The following R3HCC1L variants were observed in gnomAD, a reference collection of about 807,000 sequenced individuals.
R3HCC1L encodes coiled-coil domain-containing protein R3HCC1L.
In R3HCC1L, 51 loss-of-function variants were observed where a neutral mutation model predicts 59.9. That is an observed-to-expected ratio of 0.85 (90% CI 0.68 to 1.07). R3HCC1L has a LOEUF of 1.07. Ranked by LOEUF, R3HCC1L falls within the 50% of genes least tolerant of loss-of-function variation. The pLI is 0.00. For synonymous variants in R3HCC1L, 322 were observed against 315.2 expected, an observed-to-expected ratio of 1.02 and a Z score of -0.23; for missense variants, 965 against 933.0, an observed-to-expected ratio of 1.03 and a Z score of -0.45.
chr10:98,179,585 G>A (rs1849417600), intron 4 of R3HCC1L, among the ~76,000 whole-genome samples: 3 of 152,196 alleles, frequency 2.0e-5, no homozygotes, highest in Admixed American at 6.5e-5. Context: ...CATAAAATGA[G>A]TTAGGGAGGA....
chr10:98,224,227 A>AGTG (rs1436859713), intron 5 of R3HCC1L, among the ~76,000 whole-genome samples: 8 of 151,770 alleles, frequency 5.3e-5, no homozygotes, highest in Non-Finnish European at 7.4e-5. Flanking sequence ...TGTGGGTGCC[A>AGTG]GTGGCAGCAG....
chr10:98,167,070 T>C (rs1848021529), intron 4 of R3HCC1L, among the ~76,000 whole-genome samples: 1 of 152,186 alleles, frequency 6.6e-6, no homozygotes. Context: ...TGTTAGCTTT[T>C]ACCCATCTTT....
At chr10:98,223,906 T>A (rs1855358842) in intron 5 of R3HCC1L, among the ~76,000 whole-genome samples, 1 of 152,052 alleles carries the variant, frequency 6.6e-6, no homozygotes, top group Non-Finnish European at 1.5e-5. Context: ...TATGGGTCCT[T>A]GGGCTCCTGG....
chr10:98,165,273 A>G (rs1360169729), intron 4 of R3HCC1L, among the ~76,000 whole-genome samples: 1 of 152,234 alleles, frequency 6.6e-6, no homozygotes, highest in African/African-American at 2.4e-5. Context: ...TCAAAAAATC[A>G]AATAACAAAA....
chr10:98,211,811 G>A (rs987927184), intron 5 of R3HCC1L, among the ~76,000 whole-genome samples: 2 of 152,112 alleles, frequency 1.3e-5, no homozygotes, highest in African/African-American at 4.8e-5. Flanking sequence ...TTATGGATAT[G>A]GCTTGTGTAT....
At chr10:98,176,791 G>C (rs1421516336) in intron 4 of R3HCC1L, among the ~76,000 whole-genome samples, 1 of 152,014 alleles carries the variant, frequency 6.6e-6, no homozygotes, top group Non-Finnish European at 1.5e-5. Context: ...GCATCTTACG[G>C]GGAGAGCATT....
At chr10:98,177,074 A>C (rs1849096930) in intron 4 of R3HCC1L, among the ~76,000 whole-genome samples, 1 of 152,126 alleles carries the variant, frequency 6.6e-6, no homozygotes, top group Non-Finnish European at 1.5e-5. Context: ...GTACATGTGC[A>C]CAATGTGTAG....
rs532512378 is a variant in R3HCC1L, at chr10:98,192,763, A to G, written c.-14-15338A>G. ...CTTAAACTCTTCCAAAAAATGGAAG[A>G]GGAAGGAACACTTCCAGACTCATTT... On this transcript the variant is annotated intron_variant, in intron 4 of 9. Transcript: ENST00000298999. Among the ~76,000 whole-genome samples the G allele has an allele frequency of 3.3e-5, 5 of 152,292 alleles. No homozygotes were observed. In the South Asian group the frequency reaches 1.0e-3, roughly 32 times the overall value.
chr10:98,144,642 G>C (rs1845482780), intron 1 of R3HCC1L, among the ~76,000 whole-genome samples: 1 of 152,194 alleles, frequency 6.6e-6, no homozygotes, highest in Admixed American at 6.5e-5. Context: ...GCTTCCATGT[G>C]TCAGCTGTCA....
At chr10:98,181,467 A>G (rs373903403) in intron 4 of R3HCC1L, among the ~76,000 whole-genome samples, 4 of 152,010 alleles carry the variant, frequency 2.6e-5, no homozygotes, top group African/African-American at 4.8e-5. Context: ...CTTCATTTCA[A>G]TCTTGGTGAA....
At chr10:98,170,079 T>A (rs1312898572) in intron 4 of R3HCC1L, among the ~76,000 whole-genome samples, 1 of 152,104 alleles carries the variant, frequency 6.6e-6, no homozygotes, top group East Asian at 1.9e-4. Flanking sequence ...TATATTTGGA[T>A]TTGATGTGCA....
intron 1 of R3HCC1L, among the ~76,000 whole-genome samples, chr10:98,152,674 C>T (rs559006091): frequency 0.024 from 3,136 of 131,094 alleles, 296 homozygotes; most frequent in African/African-American, 0.075. Context: ...CGCCTCTGCC[C>T]GGCCGCGACC....
intron 5 of R3HCC1L, among the ~76,000 whole-genome samples, chr10:98,215,041 C>G (rs1367992252): frequency 6.6e-6 from 1 of 152,116 alleles, no homozygotes; most frequent in Non-Finnish European, 1.5e-5. Context: ...TCTGTGCCTC[C>G]TGGTTTCTAG....
intron 5 of R3HCC1L, among the ~76,000 whole-genome samples, chr10:98,224,720 G>A (rs1855476015): frequency 6.6e-6 from 1 of 152,058 alleles, no homozygotes. Context: ...ACTTTCCCTT[G>A]GTCTATAATA....
chr10:98,211,356 A>C (rs1421892317), intron 5 of R3HCC1L: 1 of 1,531,580 alleles, frequency 6.5e-7, no homozygotes, highest in Non-Finnish European at 8.7e-7. Context: ...AAGGTAATAC[A>C]CTTAAATCTA....
intron 4 of R3HCC1L, among the ~76,000 whole-genome samples, chr10:98,198,942 C>G (rs1851750323): frequency 6.6e-6 from 1 of 152,098 alleles, no homozygotes; most frequent in Non-Finnish European, 1.5e-5. Flanking sequence ...ACTTTAAAAA[C>G]TACAAAAATA....
intron 4 of R3HCC1L, among the ~76,000 whole-genome samples, chr10:98,188,056 A>C (rs1026552804): frequency 1.3e-5 from 2 of 152,048 alleles, no homozygotes; most frequent in African/African-American, 4.8e-5. Context: ...AGGAATTCTT[A>C]ATGTTGTTCA....
chr10:98,204,914 AT>A (rs1852470158), intron 4 of R3HCC1L, among the ~76,000 whole-genome samples: 1 of 152,138 alleles, frequency 6.6e-6, no homozygotes, highest in African/African-American at 2.4e-5. Flanking sequence ...TCTGCCGCAG[AT>A]AAGAGTGGGG....
At chr10:98,244,070 T>C in intron 9 of R3HCC1L, 21 bp from the exon 10 acceptor site, 2 of 1,612,054 alleles carry the variant, frequency 1.2e-6, no homozygotes, top group Non-Finnish European at 1.7e-6. Flanking sequence ...CAACTGTGGT[T>C]AATACTGCTC....
Sources: allele counts gnomAD v4.1 joint callset (sites outside exome capture counted in the v4.1 genomes callset), GRCh38; gene constraint gnomAD v4.1.1; transcripts MANE v1.5; gene names NCBI Gene and HGNC (gene_info 2026-07-23, HGNC 2026-07-21).